The following FNDC3A variants were observed in gnomAD, a reference collection of about 807,000 sequenced individuals.
The protein encoded by FNDC3A is fibronectin type-III domain-containing protein 3A.
A neutral mutation model predicts 148.9 loss-of-function variants in FNDC3A; 32 were observed. That is an observed-to-expected ratio of 0.21 (90% CI 0.16 to 0.29). The LOEUF (loss-of-function observed/expected upper bound fraction) is 0.29, where lower values mean the gene tolerates loss of function less well. Among genes scored for constraint, FNDC3A ranks in the 10% least tolerant of loss-of-function variants. FNDC3A has a pLI of 1.00. For missense variants in FNDC3A, 1,191 were observed against 1,452.8 expected, an observed-to-expected ratio of 0.82 and a Z score of 2.93; for synonymous variants, 472 against 473.6, an observed-to-expected ratio of 1.00 and a Z score of 0.04.
chr13:49,168,945 G>A (rs1033794774), intron 10 of FNDC3A, among the ~76,000 whole-genome samples, 194 bp downstream of exon 10: 1 of 152,066 alleles, frequency 6.6e-6, no homozygotes, highest in African/African-American at 2.4e-5. Context: ...TGTAAATATA[G>A]CAAAAACGAT....
chr13:49,045,702 G>T, intron 2 of FNDC3A: 3 of 1,152,742 alleles, frequency 2.6e-6, no homozygotes, highest in Non-Finnish European at 3.7e-6. Flanking sequence ...GCCACCAATA[G>T]CTTGGACCTC....
chr13:49,110,356 C>G (rs376230066), intron 3 of FNDC3A: 14 of 1,609,512 alleles, frequency 8.7e-6, no homozygotes, highest in Non-Finnish European at 1.0e-5. Flanking sequence ...TACGCTGTTT[C>G]CTTGTTGGAT....
intron 1 of FNDC3A, chr13:48,977,037 A>G (rs1190085500): frequency 6.6e-6 from 1 of 152,200 alleles, no homozygotes; most frequent in Admixed American, 6.5e-5. Context: ...GCCTTGGGAT[A>G]TTTTAGAGGG....
At chr13:48,991,696 G>GA (rs948107508) in intron 1 of FNDC3A, among the ~76,000 whole-genome samples, 1 of 147,404 alleles carries the variant, frequency 6.8e-6, no homozygotes, top group East Asian at 2.0e-4. Flanking sequence ...TCAAAAAAAA[G>GA]AAAAAAGGAA....
Position 49,201,823 on chromosome 13 carries a change from C to T in FNDC3A, c.3011C>T (p.Pro1004Leu). Residue 1004 changes from proline (P) to leucine (L), a missense_variant, in exon 24 of 26, where the codon CCA becomes CTA. Physicochemically the swap from Pro to Leu is moderately conservative, Grantham distance 98. This residue lies in a region of FNDC3A where 751 missense variants were observed against 944.0 expected (regional missense o/e 0.80). Coordinates refer to ENST00000492622, the MANE Select transcript of FNDC3A (RefSeq NM_001079673.2). ...NGRFVSLYRG[P>L]CHTYKVQRLN... ...AGGTTTGTATCCCTATACAGAGGAC[C>T]ATGTCATACATACAAAGTACAAAGA... 2 of 1,542,810 alleles carry T rather than the reference C, an allele frequency of 1.3e-6. No homozygotes were observed. The highest frequency in any genetic ancestry group is 1.2e-5 in the South Asian group (1 of 81,338).
Position 49,145,931 on chromosome 13 carries a change from T to C in FNDC3A, c.973T>C (p.Tyr325His), listed in dbSNP as rs779430516. Residue 325 changes from tyrosine to histidine, a missense_variant, in exon 8 of 26, where the codon TAT becomes CAT. Coordinates refer to ENST00000492622, the MANE Select transcript of FNDC3A (RefSeq NM_001079673.2). The part of the protein sequence containing the change: ...TGKDGKYKSV[Y>H]VGEETNITLN... ...AAAAGATGGGAAATACAAAAGTGTA[T>C]ATGTGTAGGTATTTGTTGTTTTGCT... is the stretch of plus-strand genomic sequence containing the variant. 2 of 1,604,098 alleles carry C rather than the reference T, an allele frequency of 1.2e-6. No individual in the cohort carries two copies. The highest frequency in any genetic ancestry group is 8.5e-7 in the Non-Finnish European group (1 of 1,175,650).
At chr13:49,064,812 T>G (rs1195601923) in intron 2 of FNDC3A, among the ~76,000 whole-genome samples, 1 of 152,122 alleles carries the variant, frequency 6.6e-6, no homozygotes, top group Non-Finnish European at 1.5e-5. Context: ...GATGACCACA[T>G]AACATACAGG....
chr13:49,118,142 A>G (rs1252021621), intron 4 of FNDC3A, among the ~76,000 whole-genome samples: 1 of 152,084 alleles, frequency 6.6e-6, no homozygotes, highest in East Asian at 1.9e-4. Context: ...ATCGTTTTTT[A>G]GTTAATTTAA....
At chr13:49,192,485 G>A (rs563441165) in intron 19 of FNDC3A, among the ~76,000 whole-genome samples, 1 of 152,184 alleles carries the variant, frequency 6.6e-6, no homozygotes, top group South Asian at 2.1e-4. Flanking sequence ...TTAGTAGAGA[G>A]AGGGTTTTGT....
chr13:49,032,505 T>C (rs746990264), intron 2 of FNDC3A, among the ~76,000 whole-genome samples: 8 of 152,160 alleles, frequency 5.3e-5, no homozygotes, highest in African/African-American at 1.7e-4. Context: ...AAAAACATTA[T>C]GCTAAGTGAA....
At chr13:49,113,929 A>G (rs1880750259) in intron 3 of FNDC3A, among the ~76,000 whole-genome samples, 1 of 152,222 alleles carries the variant, frequency 6.6e-6, no homozygotes. Context: ...ATAGTTATAA[A>G]AGTTAATTGG....
rs140465342 is a variant in FNDC3A, at chr13:49,195,079, G to A, written c.2227-1798G>A. On this transcript the variant is annotated intron_variant, in intron 19 of 25. Transcript: ENST00000492622. ...CAAATAATACTTTTATTATAAGATT[G>A]GTTTTCAAGAGCCGTATTAGTTGTT... Among the ~76,000 whole-genome samples the A allele has an allele frequency of 1.6e-3, 245 of 152,106 alleles. 1 individual carries two copies. Among genetic ancestry groups the A allele is most frequent in the African/African-American group, 5.7e-3 (235 of 41,492 alleles).
intron 2 of FNDC3A, among the ~76,000 whole-genome samples, chr13:49,055,646 A>AT (rs1876182424): frequency 6.6e-6 from 1 of 152,154 alleles, no homozygotes; most frequent in South Asian, 2.1e-4. Flanking sequence ...CTTTCAACCA[A>AT]TTGCCAATCA....
chr13:49,138,972 A>ATGTT (rs2137948369), intron 7 of FNDC3A, among the ~76,000 whole-genome samples, 167 bp downstream of exon 7: 2 of 152,270 alleles, frequency 1.3e-5, no homozygotes, highest in Non-Finnish European at 2.9e-5. Flanking sequence ...CTATCTTTCT[A>ATGTT]TGTCATTACC....
intron 1 of FNDC3A, chr13:48,987,874 A>G (rs1951833744): frequency 6.6e-6 from 1 of 152,246 alleles, no homozygotes; most frequent in South Asian, 2.1e-4. Flanking sequence ...GCACTTAAAC[A>G]AAAATACATT....
chr13:49,074,067 T>C (rs1424662338), intron 2 of FNDC3A, among the ~76,000 whole-genome samples: 1 of 152,004 alleles, frequency 6.6e-6, no homozygotes, highest in Non-Finnish European at 1.5e-5. Context: ...TTCGAAGTAG[T>C]ATTATAAAAC....
intron 2 of FNDC3A, among the ~76,000 whole-genome samples, chr13:49,032,629 G>A (rs111868275): frequency 1.1e-4 from 16 of 152,102 alleles, no homozygotes; most frequent in African/African-American, 3.9e-4. Flanking sequence ...CCAGCTACTC[G>A]GGAGGCTGAG....
chr13:49,005,868 G>A (rs1250695394), intron 1 of FNDC3A, among the ~76,000 whole-genome samples: 1 of 151,168 alleles, frequency 6.6e-6, no homozygotes. Context: ...AGATGAAAGG[G>A]GTGGAGAGAC....
At chr13:49,014,566 G>A (rs1240200333) in intron 2 of FNDC3A, among the ~76,000 whole-genome samples, 1 of 150,248 alleles carries the variant, frequency 6.7e-6, no homozygotes, top group Non-Finnish European at 1.5e-5. Flanking sequence ...CACTCTGATG[G>A]TAGTTTCTTT....
Sources: allele counts gnomAD v4.1 joint callset (sites outside exome capture counted in the v4.1 genomes callset), GRCh38; gene constraint gnomAD v4.1.1; regional missense constraint gnomAD v4.1.1; transcripts MANE v1.5; gene names NCBI Gene and HGNC (gene_info 2026-07-23, HGNC 2026-07-21).